The following ZNF385D variants were observed in gnomAD, a reference collection of about 807,000 sequenced individuals.
ZNF385D encodes the protein zinc finger protein 385D.
A neutral mutation model predicts 35.8 loss-of-function variants in ZNF385D; 15 were observed. That is an observed-to-expected ratio of 0.42 (90% CI 0.28 to 0.64). The LOEUF (loss-of-function observed/expected upper bound fraction) is 0.64. Among genes scored for constraint, ZNF385D ranks in the 30% least tolerant of loss-of-function variants. ZNF385D has a pLI of 0.23. For missense variants in ZNF385D, 474 were observed against 494.6 expected (o/e 0.96, Z 0.39); for synonymous variants, 212 against 186.8 (o/e 1.13, Z -1.10).
intron 2 of ZNF385D, among the ~76,000 whole-genome samples, chr3:22,223,449 G>T (rs1276492891): frequency 2.0e-5 from 3 of 151,726 alleles, no homozygotes; most frequent in Non-Finnish European, 4.4e-5. Flanking sequence ...GAACAATATG[G>T]GATTGAACAC....
At chr3:21,830,970 G>C (rs1305902438) in intron 3 of ZNF385D, among the ~76,000 whole-genome samples, 2 of 152,134 alleles carry the variant, frequency 1.3e-5, no homozygotes, top group Admixed American at 6.5e-5. Flanking sequence ...TTAAAAACTA[G>C]TATTTGGGTT....
At chr3:21,667,340 T>G (rs763337369) in intron 1 of ZNF385D, among the ~76,000 whole-genome samples, 18 of 151,978 alleles carry the variant, frequency 1.2e-4, no homozygotes, top group Non-Finnish European at 2.5e-4. Flanking sequence ...TTTTGTACTT[T>G]CAGTAGAGAC....
intron 2 of ZNF385D, among the ~76,000 whole-genome samples, chr3:22,335,408 T>C (rs1299671885): frequency 6.6e-6 from 1 of 152,136 alleles, no homozygotes; most frequent in East Asian, 1.9e-4. Context: ...TTAGATGTGG[T>C]CTAATATTTT....
At chr3:21,546,997 G>A (rs1177940001) in intron 3 of ZNF385D, among the ~76,000 whole-genome samples, 2 of 152,028 alleles carry the variant, frequency 1.3e-5, no homozygotes, top group Non-Finnish European at 2.9e-5. Flanking sequence ...GGGAACCAGG[G>A]ACACTTGCTC....
At chr3:21,994,514 ATTTT>A (rs201637052) in intron 3 of ZNF385D, among the ~76,000 whole-genome samples, 56 of 150,890 alleles carry the variant, frequency 3.7e-4, no homozygotes, top group Non-Finnish European at 5.8e-4. Flanking sequence ...ACCATTTTAT[ATTTT>A]TTTTTAGGCA....
chr3:21,446,321 T>A (rs879928018), intron 4 of ZNF385D, among the ~76,000 whole-genome samples: 41 of 152,076 alleles, frequency 2.7e-4, no homozygotes, highest in Admixed American at 2.6e-3. Flanking sequence ...GTGACCAGTG[T>A]CCTTGTTTTC....
chr3:21,854,499 T>C (rs1327657234), intron 3 of ZNF385D, among the ~76,000 whole-genome samples: 2 of 151,958 alleles, frequency 1.3e-5, no homozygotes, highest in African/African-American at 4.8e-5. Context: ...GGTTTAATGA[T>C]CTTCTGTAGA....
intron 3 of ZNF385D, among the ~76,000 whole-genome samples, chr3:21,846,353 C>T (rs1265808928): frequency 6.6e-6 from 1 of 151,964 alleles, no homozygotes; most frequent in African/African-American, 2.4e-5. Flanking sequence ...CTCAAAAGTT[C>T]CTTAAGTTTG....
At chr3:21,891,707 G>C (rs190369202) in intron 3 of ZNF385D, among the ~76,000 whole-genome samples, 2 of 152,304 alleles carry the variant, frequency 1.3e-5, no homozygotes, top group African/African-American at 2.4e-5. Flanking sequence ...AAATTAGGCT[G>C]AGAGGCCTTG....
rs75801364 is a variant in ZNF385D at position 22,244,151 on chromosome 3, C to T, written c.107-75116G>A. ...TTTCAAAAAGTGTTAGTACTCTGTG[C>T]AAGAACCTTCTTAAGGGGATTTAAA... On this transcript the variant is annotated intron_variant, in intron 2 of 5. Coordinates refer to the ZNF385D transcript ENST00000494108. Among the ~76,000 whole-genome samples, 759 of 150,386 alleles carry T rather than the reference C, an allele frequency of 5.0e-3. 39 individuals are homozygous for T. The highest frequency in any genetic ancestry group is 0.018 in the African/African-American group (721 of 40,602).
chr3:22,370,150 T>A (rs1157793981), intron 2 of ZNF385D, among the ~76,000 whole-genome samples: 3 of 152,334 alleles, frequency 2.0e-5, no homozygotes, highest in African/African-American at 7.2e-5. Flanking sequence ...AACAAGCTGC[T>A]TGTACCTCTT....
intron 1 of ZNF385D, among the ~76,000 whole-genome samples, chr3:21,710,065 C>T (rs1207019305): frequency 6.6e-6 from 1 of 152,120 alleles, no homozygotes; most frequent in African/African-American, 2.4e-5. Context: ...ATCATGGCTT[C>T]AATTACACGA....
intron 3 of ZNF385D, among the ~76,000 whole-genome samples, chr3:21,545,095 A>C (rs2062326047): frequency 6.6e-6 from 1 of 152,226 alleles, no homozygotes; most frequent in South Asian, 2.1e-4. Flanking sequence ...GAAGGTTGTT[A>C]AGTTATTGTA....
At position 22,234,706 on chromosome 3, in the gene ZNF385D, T is replaced by A. The variant is rs139439810; in HGVS notation, c.107-65671A>T. On this transcript the variant is annotated intron_variant, in intron 2 of 5. Transcript: ENST00000494108. Reference sequence around the variant, plus strand: ...ATACAAAATATTTGCTAATTATATATCTCTTTGTATTGTAGTGATTGGAAT... The same window carrying A: ...ATACAAAATATTTGCTAATTATATAACTCTTTGTATTGTAGTGATTGGAAT... Among the ~76,000 whole-genome samples, 191 of 152,172 alleles carry A rather than the reference T, an allele frequency of 1.3e-3. 3 individuals are homozygous for A. The South Asian group carries it at 0.026, about 20-fold the overall frequency.
At chr3:22,101,316 A>C (rs946254963) in intron 3 of ZNF385D, among the ~76,000 whole-genome samples, 1 of 152,044 alleles carries the variant, frequency 6.6e-6, no homozygotes, top group East Asian at 1.9e-4. Context: ...AGATAGAGAG[A>C]TAGAAGTAGG....
chr3:21,721,372 C>T (rs2068533580), intron 1 of ZNF385D, among the ~76,000 whole-genome samples: 1 of 151,824 alleles, frequency 6.6e-6, no homozygotes, highest in African/African-American at 2.4e-5. Flanking sequence ...CAGGCTCTGT[C>T]TCTCGGTGGT....
intron 3 of ZNF385D, among the ~76,000 whole-genome samples, chr3:21,936,392 A>AT (rs55917153): frequency 0.54 from 81,139 of 148,886 alleles, 23,310 homozygotes; most frequent in South Asian, 0.66. Context: ...ATGTGTAACA[A>AT]TTTTTTTTTT....
At chr3:21,626,891 C>T (rs370393178) in intron 2 of ZNF385D, among the ~76,000 whole-genome samples, 10 of 152,108 alleles carry the variant, frequency 6.6e-5, no homozygotes, top group Admixed American at 2.0e-4. Context: ...CAAGGCAATG[C>T]ACATCAATGT....
At chr3:22,188,904 T>TAAATAA (rs1695830474) in intron 2 of ZNF385D, among the ~76,000 whole-genome samples, 1 of 152,112 alleles carries the variant, frequency 6.6e-6, no homozygotes, top group Non-Finnish European at 1.5e-5. Flanking sequence ...CAAAGACAAG[T>TAAATAA]AAATAAAAAT....
Sources: gnomAD v4.1 joint callset for allele counts (sites outside exome capture counted in the v4.1 genomes callset) on GRCh38, gnomAD v4.1.1 for gene constraint, MANE v1.5 for transcripts, NCBI Gene and HGNC (gene_info 2026-07-23, HGNC 2026-07-21) for gene names.